The following CRKL variants were observed in gnomAD, a reference collection of about 807,000 sequenced individuals.
CRKL encodes the protein CRK like proto-oncogene, adaptor protein, also known as crk-like protein.
CRKL carries 3 observed loss-of-function variants against 23.0 expected under a neutral mutation model. The observed-to-expected ratio is 0.13, with a 90% CI of 0.06 to 0.34. The LOEUF (loss-of-function observed/expected upper bound fraction) is 0.34. CRKL is among the 10% of genes least tolerant of loss of function. CRKL has a pLI of 1.00. For synonymous variants in CRKL, 188 were observed against 160.7 expected, an observed-to-expected ratio of 1.17 and a Z score of -1.28; for missense variants, 256 against 394.5, an observed-to-expected ratio of 0.65 and a Z score of 2.97.
Position 20,918,024 on chromosome 22 carries a change from C to T in CRKL, c.90C>T (p.Gly30=), listed in dbSNP as rs1929754451. 2.0e-5 allele frequency: 32 copies of T among 1,614,198 alleles called. No individual in the cohort carries two copies. Among genetic ancestry groups the T allele is most frequent in the Non-Finnish European group, 2.6e-5 (31 of 1,180,038 alleles). The change falls in exon 1 of 3, where the codon GGC becomes GGT. Residue 30 remains glycine (G), a synonymous_variant. Coordinates refer to ENST00000354336, the MANE Select transcript of CRKL (RefSeq NM_005207.4). The part of the protein sequence containing the change: ...SRQEAQTRLQ[G]QRHGMFLVRD... ...AGGAGGCGCAGACCCGGCTCCAGGG[C>T]CAGCGCCACGGTATGTTCCTCGTCC...
Position 20,933,959 on chromosome 22 carries a change from G to C in CRKL, c.492G>C (p.Arg164=), listed in dbSNP as rs369055917. 2.4e-5 allele frequency: 39 copies of C among 1,614,080 alleles called. No individual in the cohort carries two copies. Among genetic ancestry groups the C allele is most frequent in the Non-Finnish European group, 3.1e-5 (37 of 1,180,042 alleles). ...EKPEEQWWSA[R]NKDGRVGMIP... Reference sequence around the variant, plus strand: ...CTGAAGAACAGTGGTGGAGTGCCCGGAACAAGGATGGCCGGGTTGGGATGA... The same window carrying C: ...CTGAAGAACAGTGGTGGAGTGCCCGCAACAAGGATGGCCGGGTTGGGATGA... The change falls in exon 2 of 3, where the codon CGG becomes CGC. Residue 164 remains arginine, a synonymous_variant. Transcript: ENST00000354336.
intron 2 of CRKL, among the ~76,000 whole-genome samples, chr22:20,949,339 C>A (rs562086442): frequency 1.5e-4 from 23 of 152,162 alleles, no homozygotes; most frequent in Non-Finnish European, 2.8e-4. Flanking sequence ...GTTGCCCAGG[C>A]TGGTCTCGAA....
Position 20,944,388 on chromosome 22 carries a change from A to G in CRKL, c.778-5323A>G, listed in dbSNP as rs181895926. On this transcript the variant is annotated intron_variant, in intron 2 of 2. Coordinates refer to ENST00000354336, the MANE Select transcript of CRKL (RefSeq NM_005207.4). The stretch of plus-strand genomic sequence containing the variant: ...ATTTTTGGTATGCAAGTGTTTCACC[A>G]TGGTTAAATTATTCTCGTTTTGTTT... Among the ~76,000 whole-genome samples the G allele has an allele frequency of 3.8e-4, 57 of 151,752 alleles. 1 individual carries two copies. The highest frequency in any genetic ancestry group is 1.3e-3 in the African/African-American group (55 of 41,370).
At chr22:20,918,386 C>A in intron 1 of CRKL, 141 bp downstream of exon 1, 1 of 960,696 alleles carries the variant, frequency 1.0e-6, no homozygotes, top group Non-Finnish European at 1.5e-6. Context: ...GCCTTCCTAA[C>A]AGAAAGCTAG....
chr22:20,925,251 C>T (rs1476761859), intron 1 of CRKL, among the ~76,000 whole-genome samples: 1 of 148,908 alleles, frequency 6.7e-6, no homozygotes, highest in African/African-American at 2.5e-5. Flanking sequence ...CGATTTGTGA[C>T]TTTTAAAACT....
intron 1 of CRKL, among the ~76,000 whole-genome samples, chr22:20,924,381 G>A (rs1324841653): frequency 6.6e-6 from 1 of 152,188 alleles, no homozygotes; most frequent in African/African-American, 2.4e-5. Flanking sequence ...GCATGGTTGT[G>A]CCTCCTCTTT....
In CRKL at chr22:20,950,032, G is replaced by A. The variant is rs566056236; in HGVS notation, c.*187G>A. 8 of 705,394 alleles carry A rather than the reference G, an allele frequency of 1.1e-5. No individual in the cohort carries two copies. Among genetic ancestry groups the A allele is most frequent in the East Asian group, 3.0e-5 (1 of 32,966 alleles). The allele number at this position is 705,394 out of a possible 1,614,324, so 43.7% of individuals were successfully genotyped here. On this transcript the variant is annotated 3_prime_UTR_variant, in exon 3 of 3. Coordinates refer to ENST00000354336, the MANE Select transcript of CRKL (RefSeq NM_005207.4). Reference sequence around the variant, plus strand: ...GCCTCCTGATGTTTGTATCATAGTCGTATTGTCAAAGAGTAGCCGATTTTA... The same window carrying A: ...GCCTCCTGATGTTTGTATCATAGTCATATTGTCAAAGAGTAGCCGATTTTA...
intron 2 of CRKL, among the ~76,000 whole-genome samples, chr22:20,948,932 G>T (rs1922167832): frequency 6.6e-6 from 1 of 152,182 alleles, no homozygotes; most frequent in Non-Finnish European, 1.5e-5. Context: ...GCTGAACAGA[G>T]TAACACCCTG....
intron 2 of CRKL, among the ~76,000 whole-genome samples, chr22:20,936,843 G>A (rs1212403378): frequency 6.6e-6 from 1 of 151,836 alleles, no homozygotes; most frequent in Non-Finnish European, 1.5e-5. Context: ...TGCTGGCTGA[G>A]CAGGCCTTCC....
At chr22:20,918,464 C>T (rs9613273) in intron 1 of CRKL, among the ~76,000 whole-genome samples, 29,169 of 151,336 alleles carry the variant, frequency 0.19, 3,346 homozygotes, top group East Asian at 0.37. Flanking sequence ...GGCTGTTTCT[C>T]AATGTGAAGA....
intron 1 of CRKL, among the ~76,000 whole-genome samples, chr22:20,927,513 C>CGT (rs71186694): frequency 0.15 from 21,514 of 139,792 alleles, 2,113 homozygotes; most frequent in East Asian, 0.35. Flanking sequence ...AGTTTTCTAC[C>CGT]TTTTTTTTTT....
At chr22:20,927,648 G>C (rs1403703925) in intron 1 of CRKL, among the ~76,000 whole-genome samples, 4 of 150,122 alleles carry the variant, frequency 2.7e-5, no homozygotes. Flanking sequence ...TTCGAGACCA[G>C]CCTGGCCAAC....
intron 1 of CRKL, among the ~76,000 whole-genome samples, chr22:20,928,700 C>G (rs977284179): frequency 3.2e-4 from 48 of 150,674 alleles, no homozygotes; most frequent in African/African-American, 1.1e-3. Flanking sequence ...GTAGTCCCAG[C>G]TACACAGAAG....
At chr22:20,935,686 C>T (rs752258879) in intron 2 of CRKL, among the ~76,000 whole-genome samples, 2 of 151,550 alleles carry the variant, frequency 1.3e-5, no homozygotes, top group Admixed American at 6.6e-5. Flanking sequence ...CCACCCTGCC[C>T]GGCTAATTTT....
chr22:20,924,603 C>T lies in CRKL; in HGVS notation c.311+6358C>T, dbSNP rs531989957. ...GGTGCAGTGGCTCACGCCTGTAATC[C>T]CAGCACTTTGGGAGGCCAAGGTGGG... is the stretch of plus-strand genomic sequence containing the variant. On this transcript the variant is annotated intron_variant, in intron 1 of 2. Coordinates refer to ENST00000354336, the MANE Select transcript of CRKL (RefSeq NM_005207.4). Among the ~76,000 whole-genome samples the T allele has an allele frequency of 2.6e-5, 4 of 152,246 alleles. No individual in the cohort carries two copies. In the South Asian group the frequency reaches 8.3e-4, roughly 32 times the overall value.
chr22:20,930,649 G>C (rs1921411539), intron 1 of CRKL, among the ~76,000 whole-genome samples: 1 of 148,280 alleles, frequency 6.7e-6, no homozygotes, highest in Non-Finnish European at 1.5e-5. Flanking sequence ...CCCAGTGTTG[G>C]GATTACAGGC....
chr22:20,941,538 A>ATGTG (rs1187984983), intron 2 of CRKL, among the ~76,000 whole-genome samples: 5,402 of 50,290 alleles, frequency 0.11, 1,036 homozygotes, highest in African/African-American at 0.14. Flanking sequence ...TATATATTTT[A>ATGTG]TGTGTGTGTG....
intron 1 of CRKL, among the ~76,000 whole-genome samples, chr22:20,931,594 G>T (rs1298341489): frequency 6.6e-6 from 1 of 152,082 alleles, no homozygotes; most frequent in Non-Finnish European, 1.5e-5. Flanking sequence ...TATGAGTGAA[G>T]AGTTTAGAAC....
At position 20,917,552 on chromosome 22, in the gene CRKL, C is replaced by A; in HGVS notation, c.-383C>A. The A allele has an allele frequency of 3.5e-6, 1 of 285,850 alleles. No homozygotes were observed. The highest frequency in any genetic ancestry group is 5.5e-5 in the East Asian group (1 of 18,142). 17.7% of individuals were successfully genotyped at this position (285,850 alleles called of 1,614,324 possible). A position where few individuals can be genotyped will look rare whatever the true frequency, so the allele number is the denominator to read the frequency against. ...TCGAGTTCGGTGCCTCGTGTGACGGCGGGGGTCGGTGAAGACCCGTCGAGC... is the reference window on the plus strand; with the variant it reads ...TCGAGTTCGGTGCCTCGTGTGACGGAGGGGGTCGGTGAAGACCCGTCGAGC... On this transcript the variant is annotated 5_prime_UTR_variant, in exon 1 of 3. Coordinates refer to ENST00000354336, the MANE Select transcript of CRKL (RefSeq NM_005207.4).
Sources: gnomAD v4.1 joint callset for allele counts (sites outside exome capture counted in the v4.1 genomes callset) on GRCh38, gnomAD v4.1.1 for gene constraint, MANE v1.5 for transcripts, NCBI Gene and HGNC (gene_info 2026-07-23, HGNC 2026-07-21) for gene names.